The following PTBP3 variants were observed in gnomAD, a reference collection of about 807,000 sequenced individuals.
The protein encoded by PTBP3 is polypyrimidine tract-binding protein 3.
A neutral mutation model predicts 58.7 loss-of-function variants in PTBP3; 20 were observed. That is an observed-to-expected ratio of 0.34 (90% confidence interval 0.24 to 0.50). The LOEUF (loss-of-function observed/expected upper bound fraction) is 0.50, where lower values mean the gene tolerates loss of function less well. Ranked by LOEUF, PTBP3 falls within the 20% of genes least tolerant of loss-of-function variation. The probability of loss-of-function intolerance (pLI) is 0.98; values close to 1 mark genes in which losing one functional copy is unlikely to be tolerated. For missense variants in PTBP3, 509 were observed against 637.2 expected (o/e 0.80, Z 2.17); for synonymous variants, 185 against 219.8 (o/e 0.84, Z 1.40).
At chr9:112,243,213 G>A (rs931890391) in intron 7 of PTBP3, among the ~76,000 whole-genome samples, 45 of 151,480 alleles carry the variant, frequency 3.0e-4, no homozygotes, top group African/African-American at 1.1e-3. Context: ...TAGAAGTTTG[G>A]TCTATCTTAG....
At chr9:112,322,782 C>A (rs1156763235) in intron 1 of PTBP3, among the ~76,000 whole-genome samples, 1 of 152,218 alleles carries the variant, frequency 6.6e-6, no homozygotes, top group Non-Finnish European at 1.5e-5. Flanking sequence ...ACTTTAACCA[C>A]AGAACCAACC....
the PTBP3 span, among the ~76,000 whole-genome samples, chr9:112,370,940 T>C: frequency 1.3e-5 from 2 of 152,184 alleles, no homozygotes; most frequent in African/African-American, 4.8e-5. Flanking sequence ...CTAGTGTATA[T>C]AAATAAGGTT....
At chr9:112,317,017 C>G (rs557115491) in intron 1 of PTBP3, among the ~76,000 whole-genome samples, 3 of 151,128 alleles carry the variant, frequency 2.0e-5, no homozygotes, top group Admixed American at 6.6e-5. Flanking sequence ...CAGTGGCTCA[C>G]GCCTGTAATC....
At chr9:112,225,754 T>C (rs1453640429) in intron 12 of PTBP3, among the ~76,000 whole-genome samples, 3 of 152,284 alleles carry the variant, frequency 2.0e-5, no homozygotes, top group Non-Finnish European at 4.4e-5. Flanking sequence ...TGATGTGGTA[T>C]ATTTAAAAAG....
chr9:112,300,964 T>C (rs1479014804), intron 1 of PTBP3, among the ~76,000 whole-genome samples: 1 of 139,984 alleles, frequency 7.1e-6, no homozygotes, highest in Non-Finnish European at 1.5e-5. Context: ...AAAAATGGAT[T>C]ATCAAAACCA....
At chr9:112,225,689 T>G (rs1834959968) in intron 12 of PTBP3, among the ~76,000 whole-genome samples, 1 of 152,154 alleles carries the variant, frequency 6.6e-6, no homozygotes, top group Non-Finnish European at 1.5e-5. Flanking sequence ...TTAATATCCT[T>G]TCTTCTTCTT....
intron 2 of PTBP3, among the ~76,000 whole-genome samples, chr9:112,291,024 C>A (rs1340134093): frequency 6.6e-6 from 1 of 152,062 alleles, no homozygotes; most frequent in Non-Finnish European, 1.5e-5. Context: ...GAGTTTGAGA[C>A]CAGCCTGGCC....
chr9:112,271,200 G>A (rs932449609), intron 3 of PTBP3, among the ~76,000 whole-genome samples: 4 of 152,102 alleles, frequency 2.6e-5, no homozygotes, highest in African/African-American at 9.7e-5. Flanking sequence ...TTAATTCTGA[G>A]GCACAGTCTG....
chr9:112,234,734 TATG>T (rs971996675), intron 8 of PTBP3, 83 bp downstream of exon 8: 2 of 1,284,882 alleles, frequency 1.6e-6, no homozygotes, highest in African/African-American at 2.9e-5. Flanking sequence ...ATTCTTCAAA[TATG>T]ATAACATTCT....
At chr9:112,236,729 T>C (rs1236789932) in intron 7 of PTBP3, among the ~76,000 whole-genome samples, 1 of 152,130 alleles carries the variant, frequency 6.6e-6, no homozygotes, top group African/African-American at 2.4e-5. Flanking sequence ...TCCCAAAGAA[T>C]ACTGGTGGAA....
chr9:112,375,796 T>C, the PTBP3 span, among the ~76,000 whole-genome samples: 2 of 152,252 alleles, frequency 1.3e-5, no homozygotes, highest in South Asian at 2.1e-4. Context: ...CAGTTCATGA[T>C]AGGCAGTTCA....
chr9:112,249,535 A>G (rs1159855401), intron 7 of PTBP3, among the ~76,000 whole-genome samples: 1 of 152,134 alleles, frequency 6.6e-6, no homozygotes, highest in East Asian at 1.9e-4. Flanking sequence ...AAGTAGAGAA[A>G]CTTTCACACA....
chr9:112,325,770 C>A (rs1370702285), intron 1 of PTBP3, among the ~76,000 whole-genome samples: 1 of 152,074 alleles, frequency 6.6e-6, no homozygotes, highest in Non-Finnish European at 1.5e-5. Context: ...ATGCCTGTAA[C>A]CCCAGTACTT....
At chr9:112,251,554 C>T (rs1305624777) in intron 6 of PTBP3, among the ~76,000 whole-genome samples, 1 of 152,064 alleles carries the variant, frequency 6.6e-6, no homozygotes, top group African/African-American at 2.4e-5. Context: ...GTAAATGGTA[C>T]TTGTCAGAGC....
chr9:112,279,238 C>T lies in PTBP3; in HGVS notation c.35-3225G>A, dbSNP rs111285300. ...TAAATTTAAATAATTATTTTCTGTA[C>T]AAAAGGACAGTTTTCAAAAATCTTA... On this transcript the variant is annotated intron_variant, in intron 2 of 13. Transcript: ENST00000374257. 6.7e-3 allele frequency among the ~76,000 whole-genome samples: 1,024 copies of T among 152,140 alleles called. 12 individuals carry two copies. The highest frequency in any genetic ancestry group is 0.023 in the African/African-American group (965 of 41,504).
At chr9:112,280,244 G>A (rs1159389772) in intron 2 of PTBP3, among the ~76,000 whole-genome samples, 1 of 152,076 alleles carries the variant, frequency 6.6e-6, no homozygotes, top group Non-Finnish European at 1.5e-5. Context: ...TAGTAGACAC[G>A]TGGTTTCACC....
chr9:112,306,776 C>T (rs896288723), intron 1 of PTBP3, among the ~76,000 whole-genome samples: 3 of 151,788 alleles, frequency 2.0e-5, no homozygotes, highest in African/African-American at 2.4e-5. Context: ...CCACCATGCC[C>T]GGCTAATTTT....
the PTBP3 span, among the ~76,000 whole-genome samples, chr9:112,375,174 G>A: frequency 4.5e-4 from 68 of 152,310 alleles, no homozygotes; most frequent in African/African-American, 1.3e-3. Context: ...AAGGTCACCC[G>A]TTGGTTAGCA....
Position 112,220,663 on chromosome 9 carries a change from G to A in PTBP3, c.*3188C>T. 3 of 987,176 alleles carry A rather than the reference G, an allele frequency of 3.0e-6. No individual in the cohort carries two copies. The highest frequency in any genetic ancestry group is 3.6e-6 in the Non-Finnish European group (3 of 830,910). The allele number at this position is 987,176 out of a possible 1,614,324, so 61.2% of individuals were successfully genotyped here. On this transcript the variant is annotated 3_prime_UTR_variant, in exon 14 of 14. Coordinates refer to ENST00000374257, the MANE Select transcript of PTBP3 (RefSeq NM_001163788.4). Reference sequence around the variant, plus strand: ...GGGTAATTCTGATACTCTCCAGTAAGTATCAATTAAGATACTGGGTCATTT... The same window carrying A: ...GGGTAATTCTGATACTCTCCAGTAAATATCAATTAAGATACTGGGTCATTT...
Sources: gnomAD v4.1 joint callset for allele counts (sites outside exome capture counted in the v4.1 genomes callset) on GRCh38, gnomAD v4.1.1 for gene constraint, MANE v1.5 for transcripts, NCBI Gene and HGNC (gene_info 2026-07-23, HGNC 2026-07-21) for gene names.